Variants in SYT11 observed in about 807,000 individuals in gnomAD.
SYT11 encodes the protein synaptotagmin 11.
A neutral mutation model predicts 30.4 loss-of-function variants in SYT11; 12 were observed. That is an observed-to-expected ratio of 0.39 (90% CI 0.25 to 0.64). SYT11 has a LOEUF of 0.64. SYT11 is among the 30% of genes least tolerant of loss of function. SYT11 has a pLI of 0.45. For synonymous variants in SYT11, 204 were observed against 216.0 expected, an observed-to-expected ratio of 0.94 and a Z score of 0.49; for missense variants, 412 against 552.0, an observed-to-expected ratio of 0.75 and a Z score of 2.54.
At chr1:155,872,785 A>G (rs1363174615) in intron 2 of SYT11, among the ~76,000 whole-genome samples, 1 of 152,168 alleles carries the variant, frequency 6.6e-6, no homozygotes, top group Non-Finnish European at 1.5e-5. Flanking sequence ...AATTGCCTTC[A>G]ATGCAGAATG....
intron 2 of SYT11, among the ~76,000 whole-genome samples, chr1:155,870,227 T>C (rs1397215797): frequency 6.6e-6 from 1 of 152,196 alleles, no homozygotes; most frequent in African/African-American, 2.4e-5. Context: ...AAGTCAGACC[T>C]GAGTTTAAAT....
intron 2 of SYT11, among the ~76,000 whole-genome samples, chr1:155,871,263 CT>C (rs1396948747): frequency 6.6e-6 from 1 of 152,232 alleles, no homozygotes; most frequent in Non-Finnish European, 1.5e-5. Context: ...CTCCCCTCCC[CT>C]GTCCCATCTT....
chr1:155,879,424 A>T (rs1672926341), intron 2 of SYT11, among the ~76,000 whole-genome samples: 1 of 152,116 alleles, frequency 6.6e-6, no homozygotes, highest in Non-Finnish European at 1.5e-5. Flanking sequence ...TCTCAAAAAA[A>T]AAGTTATTGG....
chr1:155,870,672 G>A (rs1465516455), intron 2 of SYT11, among the ~76,000 whole-genome samples: 1 of 152,214 alleles, frequency 6.6e-6, no homozygotes, highest in Non-Finnish European at 1.5e-5. Flanking sequence ...GTTAGCAGGT[G>A]CAGAGTGTGC....
intron 1 of SYT11, among the ~76,000 whole-genome samples, chr1:155,865,496 C>T (rs541952108): frequency 6.6e-6 from 1 of 151,824 alleles, no homozygotes; most frequent in African/African-American, 2.4e-5. Context: ...GACATGGTGG[C>T]GCATGCCTGT....
intron 2 of SYT11, 60 bp from the exon 3 acceptor site, chr1:155,880,440 T>A: frequency 1.3e-6 from 2 of 1,598,636 alleles, no homozygotes; most frequent in Admixed American, 1.7e-5. Flanking sequence ...CTCTGCACAC[T>A]TTTTGTGCTC....
At chr1:155,879,059 G>T (rs1199833106) in intron 2 of SYT11, among the ~76,000 whole-genome samples, 1 of 152,062 alleles carries the variant, frequency 6.6e-6, no homozygotes, top group Non-Finnish European at 1.5e-5. Context: ...AGCAACAACT[G>T]AGTCCCATCA....
In SYT11 at chr1:155,876,235, C is replaced by CTTTT. The variant is rs67952920; in HGVS notation, c.862-4245_862-4242dup. ...TCTACATTCCTCAAAACTCACCTCC[C>CTTTT]TTTTTTTTTTTTTTTTTTTTTTTCT... On this transcript the variant is annotated intron_variant, in intron 2 of 3. Transcript: ENST00000368324. 1.4e-3 allele frequency among the ~76,000 whole-genome samples: 134 copies of CTTTT among 96,152 alleles called. 9 individuals are homozygous for CTTTT. Among genetic ancestry groups the CTTTT allele is most frequent in the East Asian group, 2.7e-3 (7 of 2,578 alleles). The allele number at this position is 96,152 out of a possible 152,430, so 63.1% of individuals were successfully genotyped here.
At chr1:155,864,803 G>A (rs1016521828) in intron 1 of SYT11, among the ~76,000 whole-genome samples, 16 of 146,870 alleles carry the variant, frequency 1.1e-4, no homozygotes, top group African/African-American at 3.5e-4. Flanking sequence ...CTCCGCCTCC[G>A]AGGTTCAAGC....
chr1:155,866,943 CACACACATATACATATATACACAT>C (rs1672687074), intron 1 of SYT11, among the ~76,000 whole-genome samples: 1 of 148,212 alleles, frequency 6.7e-6, no homozygotes, highest in South Asian at 2.1e-4. Context: ...TACATATATA[CACACACATATACATATATACACAT>C]ACACACACAC....
At chr1:155,879,417 CA>C (rs951679673) in intron 2 of SYT11, among the ~76,000 whole-genome samples, 10 of 150,850 alleles carry the variant, frequency 6.6e-5, no homozygotes, top group East Asian at 1.9e-4. Context: ...GCCTCTGTCT[CA>C]AAAAAAAAGT....
chr1:155,862,760 T>A (rs1210974985), intron 1 of SYT11, among the ~76,000 whole-genome samples: 2 of 152,252 alleles, frequency 1.3e-5, no homozygotes, highest in Admixed American at 1.3e-4. Context: ...TATGCCTGTC[T>A]TGGTAGTTTG....
chr1:155,865,998 T>TTA (rs1171972097), intron 1 of SYT11, among the ~76,000 whole-genome samples: 1 of 152,102 alleles, frequency 6.6e-6, no homozygotes, highest in East Asian at 1.9e-4. Flanking sequence ...TAAACCCAAT[T>TTA]TAGCCTCAAT....
chr1:155,879,571 G>T (rs934173608), intron 2 of SYT11, among the ~76,000 whole-genome samples: 1 of 152,200 alleles, frequency 6.6e-6, no homozygotes, highest in Non-Finnish European at 1.5e-5. Context: ...GGTGGGCAGA[G>T]CAGGTGTGGA....
chr1:155,865,651 C>T (rs1312181402), intron 1 of SYT11, among the ~76,000 whole-genome samples: 4 of 151,520 alleles, frequency 2.6e-5, no homozygotes, highest in Admixed American at 6.6e-5. Flanking sequence ...AAAGAATATT[C>T]CAGAAAGAAT....
chr1:155,869,926 G>C (rs2102559202), intron 2 of SYT11, among the ~76,000 whole-genome samples: 1 of 152,336 alleles, frequency 6.6e-6, no homozygotes, highest in Middle Eastern at 3.4e-3. Context: ...CCACTTGCCA[G>C]CCGTGTGACA....
intron 1 of SYT11, 141 bp from the exon 2 acceptor site, chr1:155,867,824 T>G: frequency 1.5e-6 from 1 of 670,296 alleles, no homozygotes; most frequent in East Asian, 2.7e-5. Context: ...AAGGGAAAAA[T>G]TCTGAAGCCC....
chr1:155,869,474 G>A (rs1353062357), intron 2 of SYT11, among the ~76,000 whole-genome samples: 1 of 151,912 alleles, frequency 6.6e-6, no homozygotes, highest in Non-Finnish European at 1.5e-5. Context: ...GATTCACCAT[G>A]TTAGCCTGGC....
intron 2 of SYT11, among the ~76,000 whole-genome samples, chr1:155,877,032 A>G (rs574854643): frequency 2.2e-4 from 33 of 148,500 alleles, no homozygotes; most frequent in Admixed American, 1.8e-3. Flanking sequence ...AGTGACTACA[A>G]TCTCGGCTCA....
Sources: allele counts gnomAD v4.1 joint callset (sites outside exome capture counted in the v4.1 genomes callset), GRCh38; gene constraint gnomAD v4.1.1; transcripts MANE v1.5; gene names NCBI Gene and HGNC (gene_info 2026-07-23, HGNC 2026-07-21).